MYLK3: variants seen among roughly 807,000 people sequenced by gnomAD.
The protein encoded by MYLK3 is myosin light chain kinase 3, also known as MLC kinase.
A neutral mutation model predicts 76.3 loss-of-function variants in MYLK3; 55 were observed. The observed-to-expected ratio is 0.72, with a 90% CI of 0.58 to 0.90. The LOEUF is 0.90. MYLK3 is among the 40% of genes least tolerant of loss of function. The pLI, the probability that MYLK3 is intolerant of heterozygous loss-of-function variation, is 0.00. For missense variants in MYLK3, 973 were observed against 1,053.6 expected, an observed-to-expected ratio of 0.92 and a Z score of 1.06; for synonymous variants, 416 against 425.4, an observed-to-expected ratio of 0.98 and a Z score of 0.27.
At chr16:46,732,139 C>T in intron 4 of MYLK3, 69 bp downstream of exon 4, 1 of 1,360,818 alleles carries the variant, frequency 7.3e-7, no homozygotes, top group East Asian at 2.4e-5. Flanking sequence ...AGGAAGACTC[C>T]CCAGGAGTAG....
At position 46,741,823 on chromosome 16, in the gene MYLK3, T is replaced by G. The variant is rs112887405; in HGVS notation, c.478-1676A>C. Among the ~76,000 whole-genome samples, 448 of 150,392 alleles carry G rather than the reference T, an allele frequency of 3.0e-3. 5 individuals are homozygous for G. Among genetic ancestry groups the G allele is most frequent in the South Asian group, 6.7e-3 (32 of 4,746 alleles). ...TCTCGCTCTGTTGTCCAGCCTGGAGTGCAGTGGTTGGATCCCAGCTCACTG... is the reference window on the plus strand; with the variant it reads ...TCTCGCTCTGTTGTCCAGCCTGGAGGGCAGTGGTTGGATCCCAGCTCACTG... On this transcript the variant is annotated intron_variant, in intron 1 of 12. Coordinates refer to ENST00000394809, the MANE Select transcript of MYLK3 (RefSeq NM_182493.3).
Position 46,729,652 on chromosome 16 carries a change from T to TTCTCTGTGCACCTGTGGACC in MYLK3, c.1584_1603dup (p.Lys535ArgfsTer21). 1 of 1,613,720 alleles carries TTCTCTGTGCACCTGTGGACC rather than the reference T, an allele frequency of 6.2e-7. No individual in the cohort carries two copies. ...GGCAGCCAGTGGGAGGCCTGTGGACTTCTCTGTGCACCTGTGGACCTGGCC... is the reference window on the plus strand; with the variant it reads ...GGCAGCCAGTGGGAGGCCTGTGGACTTCTCTGTGCACCTGTGGACCTCTCTGTGCACCTGTGGACCTGGCC... On this transcript the variant is annotated frameshift_variant, in exon 6 of 13. Coordinates refer to ENST00000394809, the MANE Select transcript of MYLK3 (RefSeq NM_182493.3). LOFTEE classifies it high-confidence loss of function.
chr16:46,727,787 G>C (rs562633658), intron 7 of MYLK3, among the ~76,000 whole-genome samples: 1 of 152,146 alleles, frequency 6.6e-6, no homozygotes, highest in Admixed American at 6.5e-5. Context: ...TCGGCCTCCC[G>C]AAGTGCTGAG....
At position 46,759,492 on chromosome 16, in the gene MYLK3, C is replaced by A. The variant is rs141148898; in HGVS notation, c.-114+3548G>T. On this transcript the variant is annotated intron_variant, in intron 1 of 11. Coordinates refer to the MYLK3 transcript ENST00000536476. ...AATTCTAGGAGGAAAAAACTGTTAT[C>A]CCCATTTCACAGGCAAGTAAACTGA... is the stretch of plus-strand genomic sequence containing the variant. Among the ~76,000 whole-genome samples the A allele has an allele frequency of 7.2e-5, 11 of 152,334 alleles. No individual in the cohort carries two copies. In the East Asian group the frequency reaches 1.9e-3, roughly 27 times the overall value.
At chr16:46,713,372 T>G (rs1203528751) in intron 9 of MYLK3, among the ~76,000 whole-genome samples, 1 of 152,038 alleles carries the variant, frequency 6.6e-6, no homozygotes, top group African/African-American at 2.4e-5. Flanking sequence ...TAATTTTTTG[T>G]ATTTTTTGTA....
At chr16:46,712,498 C>T (rs964387536) in intron 10 of MYLK3, 150 bp downstream of exon 10, 1 of 567,484 alleles carries the variant, frequency 1.8e-6, no homozygotes, top group Admixed American at 3.2e-5. Flanking sequence ...TCCTTTCCTT[C>T]CCCATCTCAC....
Position 46,721,168 on chromosome 16 carries a change from T to C in MYLK3, c.1940A>G (p.Gln647Arg), listed in dbSNP as rs775810134. Reference protein sequence around the residue: ...LKPENILCVNQTGHQIKIIDF... With the variant: ...LKPENILCVNRTGHQIKIIDF... ...AATGATCTTAATTTGATGTCCTGTC[T>C]GATTGACGCACAATATGTTCTCCGG... Residue 647 changes from glutamine (Q) to arginine (R), a missense_variant, in exon 9 of 13, where the codon CAG becomes CGG. By Grantham distance (43) the Gln-to-Arg change is conservative. Transcript: ENST00000394809. The C allele has an allele frequency of 1.2e-6, 2 of 1,614,230 alleles. No homozygotes were observed. Among genetic ancestry groups the C allele is most frequent in the Non-Finnish European group, 1.7e-6 (2 of 1,180,030 alleles).
At chr16:46,761,009 C>T (rs1259418624) in intron 1 of MYLK3, among the ~76,000 whole-genome samples, 3 of 152,120 alleles carry the variant, frequency 2.0e-5, no homozygotes, top group Admixed American at 1.3e-4. Context: ...TTCTGGGGCC[C>T]CACATCTGCA....
At chr16:46,751,068 A>G (rs2143017634), upstream of MYLK3, among the ~76,000 whole-genome samples, 1 of 152,208 alleles carries the variant, frequency 6.6e-6, no homozygotes, top group Admixed American at 6.5e-5. Flanking sequence ...AGTCTAAATG[A>G]ATCCAGAGGA....
At chr16:46,743,826 A>T (rs1966973694) in intron 1 of MYLK3, among the ~76,000 whole-genome samples, 1 of 152,196 alleles carries the variant, frequency 6.6e-6, no homozygotes, top group Non-Finnish European at 1.5e-5. Flanking sequence ...GAAAATACAA[A>T]AGGTTTCAAA....
chr16:46,723,968 TGTCA>T (rs1381674800), intron 8 of MYLK3, among the ~76,000 whole-genome samples: 2 of 152,216 alleles, frequency 1.3e-5, no homozygotes, highest in Non-Finnish European at 2.9e-5. Flanking sequence ...TTTTATTGTC[TGTCA>T]TTTTTACTTT....
intron 1 of MYLK3, among the ~76,000 whole-genome samples, chr16:46,757,236 T>A (rs1215846675): frequency 6.6e-6 from 1 of 152,228 alleles, no homozygotes; most frequent in Non-Finnish European, 1.5e-5. Flanking sequence ...GATGCATTTG[T>A]TGCAGAAGGC....
At chr16:46,716,278 G>C (rs1488976820) in intron 9 of MYLK3, among the ~76,000 whole-genome samples, 2 of 151,958 alleles carry the variant, frequency 1.3e-5, no homozygotes, top group Non-Finnish European at 2.9e-5. Context: ...CTTTTGAATG[G>C]ATTGGGCACT....
chr16:46,754,497 G>T (rs575346612), intron 1 of MYLK3, among the ~76,000 whole-genome samples: 5 of 152,182 alleles, frequency 3.3e-5, no homozygotes, highest in African/African-American at 9.6e-5. Flanking sequence ...TTTCATAAGA[G>T]GAGGAACAGA....
rs144451003 is a variant in MYLK3, at chr16:46,727,326, C to T, written c.1824G>A (p.Leu608=). The T allele has an allele frequency of 1.9e-5, 31 of 1,613,836 alleles. No homozygotes were observed. The highest frequency in any genetic ancestry group is 2.6e-5 in the Non-Finnish European group (31 of 1,179,822). Residue 608 remains leucine (L), a synonymous_variant, in exon 8 of 13, where the codon CTG becomes CTA. Coordinates refer to ENST00000394809, the MANE Select transcript of MYLK3 (RefSeq NM_182493.3). ...FDRITDEKYH[L]TELDVVLFTR... Reference sequence around the variant, plus strand: ...TGAACAGGACCACATCCAGCTCAGTCAGGTGGTACTTCTCATCTGTGATCC... The same window carrying T: ...TGAACAGGACCACATCCAGCTCAGTTAGGTGGTACTTCTCATCTGTGATCC...
At chr16:46,742,915 T>C (rs895516793) in intron 1 of MYLK3, among the ~76,000 whole-genome samples, 1 of 152,154 alleles carries the variant, frequency 6.6e-6, no homozygotes, top group Non-Finnish European at 1.5e-5. Flanking sequence ...ACAGACCTCC[T>C]CCTCTTTTAC....
At chr16:46,750,418 G>A (rs752710936), upstream of MYLK3, among the ~76,000 whole-genome samples, 3 of 152,236 alleles carry the variant, frequency 2.0e-5, no homozygotes, top group Non-Finnish European at 2.9e-5. Flanking sequence ...GGAAAGGGCC[G>A]GGTGCAGTGG....
chr16:46,725,337 A>C (rs897569213), intron 8 of MYLK3, among the ~76,000 whole-genome samples: 1 of 152,220 alleles, frequency 6.6e-6, no homozygotes, highest in African/African-American at 2.4e-5. Flanking sequence ...TTGCAAGAAC[A>C]GATATCCTTG....
intron 11 of MYLK3, 151 bp downstream of exon 11, chr16:46,710,486 C>T: frequency 2.5e-6 from 2 of 805,624 alleles, no homozygotes; most frequent in South Asian, 1.8e-5. Flanking sequence ...TTCTCTGTTC[C>T]CTTTATTTTT....
Sources: allele counts gnomAD v4.1 joint callset (sites outside exome capture counted in the v4.1 genomes callset), GRCh38; gene constraint gnomAD v4.1.1; transcripts MANE v1.5; gene names NCBI Gene and HGNC (gene_info 2026-07-23, HGNC 2026-07-21).